DMTN: variants seen among roughly 807,000 people sequenced by gnomAD.
DMTN encodes dematin.
A neutral mutation model predicts 59.4 loss-of-function variants in DMTN; 27 were observed. The observed-to-expected ratio is 0.45, with a 90% CI of 0.33 to 0.63. The LOEUF (loss-of-function observed/expected upper bound fraction) is 0.63, where lower values mean the gene tolerates loss of function less well. DMTN is among the 20% of genes least tolerant of loss of function. The pLI is 0.02. For synonymous variants in DMTN, 221 were observed against 203.7 expected, an observed-to-expected ratio of 1.08 and a Z score of -0.72; for missense variants, 451 against 528.9, an observed-to-expected ratio of 0.85 and a Z score of 1.45.
At chr8:22,049,754 C>T (rs1170096715), upstream of DMTN, among the ~76,000 whole-genome samples, 1 of 152,142 alleles carries the variant, frequency 6.6e-6, no homozygotes, top group Non-Finnish European at 1.5e-5. Flanking sequence ...AGGATGTACC[C>T]CTTCCAGCCT....
chr8:22,076,015 C>T (rs11989028), intron 10 of DMTN, among the ~76,000 whole-genome samples: 8,571 of 152,202 alleles, frequency 0.056, 620 homozygotes, highest in African/African-American at 0.17. Context: ...TCCGCTGGAT[C>T]GAATCCAGTG....
intron 10 of DMTN, 99 bp from the exon 11 acceptor site, chr8:22,080,081 C>T: frequency 1.4e-6 from 2 of 1,423,466 alleles, no homozygotes; most frequent in African/African-American, 1.4e-5. Flanking sequence ...TGATCCCTTC[C>T]TGCCCTGCCC....
At chr8:22,070,440 G>C in intron 8 of DMTN, 106 bp downstream of exon 8, 1 of 1,382,670 alleles carries the variant, frequency 7.2e-7, no homozygotes, top group Non-Finnish European at 9.5e-7. Flanking sequence ...CTGCCCTATG[G>C]TGTCCTCGTG....
At position 22,073,766 on chromosome 8, in the gene DMTN, G is replaced by A; in HGVS notation, c.766G>A (p.Glu256Lys). ...SNLGKMILKE[E>K]MEKSLPIRRK... ...CTTGGGAAAGATGATCTTGAAAGAA[G>A]AGATGGAAAAGTCATTGCCGATCCG... Residue 256 changes from glutamate (E) to lysine (K), a missense_variant, in exon 10 of 16, where the codon GAG becomes AAG. By Grantham distance (56) the Glu-to-Lys change is moderately conservative. Transcript: ENST00000358242. 6.2e-7 allele frequency: 1 copy of A among 1,613,744 alleles called. No homozygotes were observed. The highest frequency in any genetic ancestry group is 1.1e-5 in the South Asian group (1 of 91,070).
intron 10 of DMTN, among the ~76,000 whole-genome samples, chr8:22,075,031 A>G (rs1275026898): frequency 3.9e-5 from 6 of 152,060 alleles, no homozygotes; most frequent in African/African-American, 1.4e-4. Context: ...TCCTAAAAAT[A>G]CAAAAATTAG....
chr8:22,078,777 T>A (rs1366440778), intron 10 of DMTN, among the ~76,000 whole-genome samples: 1 of 149,220 alleles, frequency 6.7e-6, no homozygotes, highest in African/African-American at 2.5e-5. Context: ...CATGACTCTT[T>A]CTGTAGTATA....
At chr8:22,067,479 T>C (rs1363552783) in intron 3 of DMTN, 48 bp from the exon 4 acceptor site, 3 of 1,610,096 alleles carry the variant, frequency 1.9e-6, no homozygotes, top group African/African-American at 1.3e-5. Flanking sequence ...GCCAGTGTCC[T>C]AGGCGGGGCT....
At position 22,060,764 on chromosome 8, in the gene DMTN, G is replaced by C. The variant is rs1489929509; in HGVS notation, c.-172+3628G>C. ...AGGAAGGGACTGGAGACAGAGCAGA[G>C]GTGAGAGGCCAGAGGCTTAGTGACT... is the stretch of plus-strand genomic sequence containing the variant. On this transcript the variant is annotated intron_variant, in intron 1 of 15. Coordinates refer to ENST00000358242, the MANE Select transcript of DMTN (RefSeq NM_001387751.1). This position sits in a 1 kb window ranked among gnomAD's most constrained non-coding sequence, Gnocchi z 5.0. Among the ~76,000 whole-genome samples the C allele has an allele frequency of 2.0e-5, 3 of 152,246 alleles. No individual in the cohort carries two copies. The highest frequency in any genetic ancestry group is 4.4e-5 in the Non-Finnish European group (3 of 68,040).
chr8:22,061,451 G>A (rs1285495433), intron 1 of DMTN, among the ~76,000 whole-genome samples: 1 of 152,190 alleles, frequency 6.6e-6, no homozygotes, highest in African/African-American at 2.4e-5. Flanking sequence ...CGGTATTTGT[G>A]CACGTGTGAG....
At chr8:22,050,127 G>A (rs1304169191), upstream of DMTN, among the ~76,000 whole-genome samples, 1 of 152,224 alleles carries the variant, frequency 6.6e-6, no homozygotes, top group Non-Finnish European at 1.5e-5. Flanking sequence ...CTTAATCCCA[G>A]TGAAGACCGC....
intron 10 of DMTN, among the ~76,000 whole-genome samples, chr8:22,076,115 G>A (rs907099141): frequency 6.6e-6 from 1 of 152,160 alleles, no homozygotes; most frequent in African/African-American, 2.4e-5. Context: ...GAGATAATAA[G>A]AGAGGCGGAT....
chr8:22,080,295 G>A (rs775730311), intron 11 of DMTN, 51 bp downstream of exon 11: 3 of 1,613,414 alleles, frequency 1.9e-6, no homozygotes, highest in Non-Finnish European at 2.5e-6. Flanking sequence ...ACGTGCATGT[G>A]GGGTGCTGAG....
intron 10 of DMTN, among the ~76,000 whole-genome samples, chr8:22,076,995 C>T (rs960052429): frequency 3.9e-5 from 6 of 151,972 alleles, no homozygotes; most frequent in South Asian, 2.1e-4. Context: ...GAGAAACGTG[C>T]GAGGCTTGGC....
At chr8:22,056,404 A>T (rs1487826538), upstream of DMTN, among the ~76,000 whole-genome samples, 2 of 152,170 alleles carry the variant, frequency 1.3e-5, no homozygotes, top group Non-Finnish European at 2.9e-5. Flanking sequence ...TGCTGCTGTC[A>T]GATGGTGGGG....
At chr8:22,067,307 A>G (rs563866763) in intron 3 of DMTN, 148 bp downstream of exon 3, 21 of 1,111,570 alleles carry the variant, frequency 1.9e-5, no homozygotes, top group Non-Finnish European at 2.5e-5. Flanking sequence ...AACCCAGAGA[A>G]GCTCCCATAT....
Position 22,066,778 on chromosome 8 carries a change from G to T in DMTN, c.-98G>T. On this transcript the variant is annotated 5_prime_UTR_variant, in exon 2 of 16. Coordinates refer to ENST00000358242, the MANE Select transcript of DMTN (RefSeq NM_001387751.1). The stretch of plus-strand genomic sequence containing the variant: ...GCGCCAGCTGCTTTCGCGGCCCCAA[G>T]CGCGCAGCGCCCAGCAGCCGCGCCG... 1 of 1,319,856 alleles carries T rather than the reference G, an allele frequency of 7.6e-7. No homozygotes were observed. The highest frequency in any genetic ancestry group is 9.8e-7 in the Non-Finnish European group (1 of 1,015,396). The allele number at this position is 1,319,856 out of a possible 1,614,324, so 81.8% of individuals were successfully genotyped here.
At position 22,070,826 on chromosome 8, in the gene DMTN, C is replaced by G. The variant is rs535237868; in HGVS notation, c.604+492C>G. On this transcript the variant is annotated intron_variant, in intron 8 of 15. Transcript: ENST00000358242. ...TAAGCAATTTCCCATCACCACCCCCCACACCCTTCTGAGTTGCCATGGTCC... is the reference window on the plus strand; with the variant it reads ...TAAGCAATTTCCCATCACCACCCCCGACACCCTTCTGAGTTGCCATGGTCC... Among the ~76,000 whole-genome samples, 205 of 152,288 alleles carry G rather than the reference C, an allele frequency of 1.3e-3. 2 individuals are homozygous for G. In the South Asian group the frequency reaches 0.041, roughly 30 times the overall value.
In DMTN at chr8:22,080,897, G is replaced by A. The variant is rs535485293; in HGVS notation, c.1023+27G>A. 10 of 1,543,224 alleles carry A rather than the reference G, an allele frequency of 6.5e-6. No individual in the cohort carries two copies. In the African/African-American group the frequency reaches 9.5e-5, roughly 15 times the overall value. ...TGAGGGGCAGGGGACACAAGCGCCT[G>A]TAGCGGGGCGGGAGGCTGGGGAGAT... On this transcript the variant is annotated intron_variant, in intron 14 of 15. Coordinates refer to ENST00000358242, the MANE Select transcript of DMTN (RefSeq NM_001387751.1).
In DMTN at chr8:22,081,474, C is replaced by T; in HGVS notation, c.*11C>T. On this transcript the variant is annotated 3_prime_UTR_variant, in exon 16 of 16. Coordinates refer to ENST00000358242, the MANE Select transcript of DMTN (RefSeq NM_001387751.1). ...GCCTCTCTCTTCTGATGGCCCCCACCTGCTCCGGGACGGCCCCCTTACCCC... is the reference window on the plus strand; with the variant it reads ...GCCTCTCTCTTCTGATGGCCCCCACTTGCTCCGGGACGGCCCCCTTACCCC... The T allele has an allele frequency of 1.2e-6, 2 of 1,612,464 alleles. No homozygotes were observed. The highest frequency in any genetic ancestry group is 1.7e-6 in the Non-Finnish European group (2 of 1,178,510).
Sources: allele counts gnomAD v4.1 joint callset (sites outside exome capture counted in the v4.1 genomes callset), GRCh38; gene constraint gnomAD v4.1.1; non-coding constraint Gnocchi (gnomAD v3.1); transcripts MANE v1.5; gene names NCBI Gene and HGNC (gene_info 2026-07-23, HGNC 2026-07-21).